Variants in TTC29 observed in about 807,000 individuals in gnomAD.
The protein encoded by TTC29 is tetratricopeptide repeat protein 29.
TTC29 carries 49 observed loss-of-function variants against 58.1 expected under a neutral mutation model. That is an observed-to-expected ratio of 0.84 (90% CI 0.67 to 1.07). The LOEUF is 1.07. TTC29 is among the 50% of genes least tolerant of loss of function. TTC29 has a pLI of 0.00. For synonymous variants in TTC29, 209 were observed against 196.8 expected (o/e 1.06, Z -0.52); for missense variants, 582 against 555.6 (o/e 1.05, Z -0.48).
At chr4:146,708,002 C>T (rs1312717493) in intron 11 of TTC29, among the ~76,000 whole-genome samples, 1 of 151,938 alleles carries the variant, frequency 6.6e-6, no homozygotes, top group Non-Finnish European at 1.5e-5. Flanking sequence ...GATGTTCTAG[C>T]AGACAGTCCC....
chr4:146,941,065 C>T (rs76925611), intron 2 of TTC29, among the ~76,000 whole-genome samples: 3,958 of 152,268 alleles, frequency 0.026, 67 homozygotes, highest in Non-Finnish European at 0.04. Flanking sequence ...TATCTAAATC[C>T]TATTCCAAAG....
intron 4 of TTC29, among the ~76,000 whole-genome samples, chr4:146,936,594 G>A (rs1438222674): frequency 1.3e-5 from 2 of 152,088 alleles, no homozygotes; most frequent in Admixed American, 1.3e-4. Context: ...CTCTGCAGAA[G>A]TGAGTGATTA....
At chr4:146,922,278 C>A (rs1734646297) in intron 4 of TTC29, among the ~76,000 whole-genome samples, 1 of 150,308 alleles carries the variant, frequency 6.7e-6, no homozygotes, top group Admixed American at 6.6e-5. Flanking sequence ...CCTAACAAAA[C>A]AAATATTATG....
At chr4:146,802,714 G>A (rs1240534980) in intron 11 of TTC29, among the ~76,000 whole-genome samples, 2 of 152,134 alleles carry the variant, frequency 1.3e-5, no homozygotes, top group Admixed American at 1.3e-4. Context: ...TTCCATTTGA[G>A]TTATGCCAAA....
chr4:146,737,845 T>TC (rs1485737357), intron 11 of TTC29, among the ~76,000 whole-genome samples: 4 of 152,158 alleles, frequency 2.6e-5, no homozygotes, highest in African/African-American at 9.6e-5. Flanking sequence ...TTTTTTTCCC[T>TC]CCCCCCTGAT....
chr4:146,910,420 A>G (rs1458215220), intron 4 of TTC29, among the ~76,000 whole-genome samples: 2 of 152,148 alleles, frequency 1.3e-5, no homozygotes, highest in Non-Finnish European at 2.9e-5. Context: ...ATAACAAAAC[A>G]AAACAAAGTG....
Position 146,708,331 on chromosome 4 carries a change from T to C in TTC29, c.1331-780A>G, listed in dbSNP as rs866935861. Among the ~76,000 whole-genome samples, 281 of 66,880 alleles carry C rather than the reference T, an allele frequency of 4.2e-3. 9 individuals are homozygous for C. Among genetic ancestry groups the C allele is most frequent in the African/African-American group, 0.012 (266 of 22,022 alleles). 43.9% of individuals were successfully genotyped at this position (66,880 alleles called of 152,430 possible). A position where few individuals can be genotyped will look rare whatever the true frequency, so the allele number is the denominator to read the frequency against. On this transcript the variant is annotated intron_variant, in intron 11 of 12. Coordinates refer to ENST00000325106, the MANE Select transcript of TTC29 (RefSeq NM_031956.4). Reference sequence around the variant, plus strand: ...GTTTATATATATATATATATATATATATATATATATATATATATATATATA... The same window carrying C: ...GTTTATATATATATATATATATATACATATATATATATATATATATATATA...
At chr4:146,815,703 A>T (rs1369360013) in intron 10 of TTC29, among the ~76,000 whole-genome samples, 1 of 152,212 alleles carries the variant, frequency 6.6e-6, no homozygotes, top group Non-Finnish European at 1.5e-5. Flanking sequence ...TAGAGAAAAA[A>T]ACAATAAGTT....
At chr4:146,812,508 T>C (rs966548106) in intron 10 of TTC29, among the ~76,000 whole-genome samples, 11 of 152,206 alleles carry the variant, frequency 7.2e-5, no homozygotes, top group African/African-American at 2.7e-4. Context: ...TACTGTTAAG[T>C]GTAAGTAGTG....
At chr4:146,759,824 A>G (rs113048270) in intron 11 of TTC29, among the ~76,000 whole-genome samples, 1,581 of 152,246 alleles carry the variant, frequency 0.01, 15 homozygotes, top group Non-Finnish European at 0.017. Flanking sequence ...CCCATAGCCA[A>G]CATAACACTG....
chr4:146,812,481 A>C lies in TTC29; in HGVS notation c.1101+7644T>G, dbSNP rs145022184. Among the ~76,000 whole-genome samples the C allele has an allele frequency of 4.6e-5, 7 of 152,320 alleles. No individual in the cohort carries two copies. The East Asian group carries it at 1.4e-3, about 29-fold the overall frequency. ...AGAAGGAGCAGTAAATGGAGTTTCC[A>C]CTCAAGTTTTTGAGGTTACTGTTAA... On this transcript the variant is annotated intron_variant, in intron 10 of 12. Transcript: ENST00000325106.
chr4:146,779,735 T>A (rs1043626440), intron 11 of TTC29, among the ~76,000 whole-genome samples: 1 of 152,178 alleles, frequency 6.6e-6, no homozygotes, highest in Non-Finnish European at 1.5e-5. Flanking sequence ...CAACTCCTGG[T>A]GAAACTGCCA....
chr4:146,730,206 A>C (rs1377796958), intron 11 of TTC29, among the ~76,000 whole-genome samples: 1 of 152,072 alleles, frequency 6.6e-6, no homozygotes, highest in Non-Finnish European at 1.5e-5. Flanking sequence ...TAATAATGTT[A>C]AATCCTGGGA....
intron 9 of TTC29, among the ~76,000 whole-genome samples, chr4:146,822,112 A>C (rs2150142821): frequency 8.8e-6 from 1 of 113,724 alleles, no homozygotes; most frequent in Admixed American, 1.0e-4. Flanking sequence ...TTCAGAAAGT[A>C]TTTTCTTTTA....
At chr4:146,746,059 G>A (rs1022377584) in intron 11 of TTC29, among the ~76,000 whole-genome samples, 2 of 152,262 alleles carry the variant, frequency 1.3e-5, no homozygotes, top group African/African-American at 4.8e-5. Context: ...CCAGTTCAGC[G>A]ATTGATGTTG....
At chr4:146,809,771 C>T (rs1275193373) in intron 10 of TTC29, among the ~76,000 whole-genome samples, 1 of 149,778 alleles carries the variant, frequency 6.7e-6, no homozygotes, top group African/African-American at 2.5e-5. Flanking sequence ...ACAACAGATG[C>T]CGGAGAGAAT....
chr4:146,910,554 A>G (rs1163103560), intron 4 of TTC29, among the ~76,000 whole-genome samples: 1 of 152,144 alleles, frequency 6.6e-6, no homozygotes, highest in Non-Finnish European at 1.5e-5. Context: ...GGCAGGGACC[A>G]GATCATGAAG....
At chr4:146,764,890 T>C (rs575958412) in intron 11 of TTC29, among the ~76,000 whole-genome samples, 1 of 150,854 alleles carries the variant, frequency 6.6e-6, no homozygotes, top group Non-Finnish European at 1.5e-5. Context: ...TGACAGCAAC[T>C]GCGAAGAGAG....
At chr4:146,787,793 G>GTATT (rs1561125175) in intron 11 of TTC29, among the ~76,000 whole-genome samples, 2 of 152,240 alleles carry the variant, frequency 1.3e-5, no homozygotes, top group Admixed American at 1.3e-4. Flanking sequence ...TAATGGGTTG[G>GTATT]TATTAAGTAG....
Sources: allele counts gnomAD v4.1 joint callset (sites outside exome capture counted in the v4.1 genomes callset), GRCh38; gene constraint gnomAD v4.1.1; transcripts MANE v1.5; gene names NCBI Gene and HGNC (gene_info 2026-07-23, HGNC 2026-07-21).